KRCC1: variants seen among roughly 807,000 people sequenced by gnomAD.
KRCC1 encodes lysine-rich coiled-coil protein 1.
KRCC1 carries 3 observed loss-of-function variants against 7.4 expected under a neutral mutation model. The observed-to-expected ratio is 0.40, with a 90% CI of 0.18 to 1.04. The LOEUF (loss-of-function observed/expected upper bound fraction) is 1.04. Among genes scored for constraint, KRCC1 ranks in the 50% least tolerant of loss-of-function variants. The probability of loss-of-function intolerance (pLI) is 0.33; values close to 1 mark genes in which losing one functional copy is unlikely to be tolerated. For missense variants in KRCC1, 277 were observed against 300.9 expected, an observed-to-expected ratio of 0.92 and a Z score of 0.59; for synonymous variants, 102 against 101.6, an observed-to-expected ratio of 1.00 and a Z score of -0.02.
chr2:88,047,678 A>T (rs1320107898), intron 1 of KRCC1, among the ~76,000 whole-genome samples: 2 of 151,780 alleles, frequency 1.3e-5, no homozygotes, highest in Non-Finnish European at 1.5e-5. Flanking sequence ...ACAGGCACAC[A>T]CCACCACGCC....
At position 88,053,182 on chromosome 2, in the gene KRCC1, C is replaced by G. The variant is rs79225836; in HGVS notation, c.-291+2444G>C. Among the ~76,000 whole-genome samples, 526 of 152,082 alleles carry G rather than the reference C, an allele frequency of 3.5e-3. 6 individuals are homozygous for G. The highest frequency in any genetic ancestry group is 0.012 in the African/African-American group (483 of 41,470). ...TCCAATTCCCCCACCGACAGATGAC[C>G]AAACTCAAATCCAGAAAGTGTGGGA... On this transcript the variant is annotated intron_variant, in intron 1 of 3. Transcript: ENST00000347055.
intron 1 of KRCC1, among the ~76,000 whole-genome samples, chr2:88,045,819 G>T (rs1376703329): frequency 6.6e-6 from 1 of 151,964 alleles, no homozygotes; most frequent in African/African-American, 2.4e-5. Flanking sequence ...GAGTAGCTGG[G>T]ATTACAGGCA....
intron 1 of KRCC1, among the ~76,000 whole-genome samples, chr2:88,054,146 T>A (rs559251273): frequency 6.6e-6 from 1 of 152,298 alleles, no homozygotes; most frequent in East Asian, 1.9e-4. Context: ...GGATAAGAAA[T>A]AGCATTTTGT....
chr2:88,032,469 T>A (rs912108039), intron 3 of KRCC1, among the ~76,000 whole-genome samples: 1 of 152,166 alleles, frequency 6.6e-6, no homozygotes. Context: ...ATAGGCTATA[T>A]CATATAGCCT....
At position 88,055,367 on chromosome 2, in the gene KRCC1, G is replaced by T. The variant is rs892899259; in HGVS notation, c.-291+259C>A. ...TCCGGGTCTAGATTTCCTCTTGGTC[G>T]CCCCTAGTTTCCCACTCCGACCTCG... On this transcript the variant is annotated intron_variant, in intron 1 of 3. Coordinates refer to ENST00000347055, the MANE Select transcript of KRCC1 (RefSeq NM_016618.3). Among the ~76,000 whole-genome samples the T allele has an allele frequency of 1.4e-4, 21 of 151,926 alleles. No individual in the cohort carries two copies. The East Asian group carries it at 1.9e-3, about 14-fold the overall frequency.
rs1378067623 is a variant in KRCC1, at chr2:88,036,947, T to G, written c.-186A>C. ...TTCCTTCTATTTTCAACCTACCTCA[T>G]AATGCAAAATCCTTTGTTATTTGAA... is the stretch of plus-strand genomic sequence containing the variant. On this transcript the variant is annotated 5_prime_UTR_variant, in exon 2 of 4. An upstream start codon of the reference 5' UTR is lost. Transcript: ENST00000347055. The G allele has an allele frequency of 6.6e-6, 1 of 152,200 alleles. No homozygotes were observed. The highest frequency in any genetic ancestry group is 1.5e-5 in the Non-Finnish European group (1 of 68,028). 9.4% of individuals were successfully genotyped at this position (152,200 alleles called of 1,614,324 possible).
Position 88,027,964 on chromosome 2 carries a change from T to A in KRCC1, c.600A>T (p.Thr200=). 1 of 1,613,746 alleles carries A rather than the reference T, an allele frequency of 6.2e-7. No individual in the cohort carries two copies. Among genetic ancestry groups the A allele is most frequent in the East Asian group, 2.2e-5 (1 of 44,876 alleles). ...CATGTACGGTTTCTATTTCCACCTC[T>A]GTTTTCTTTCTTTGGATGCTCTTGT... ...DKHKSIQRKK[T]EVEIETVHVS... is the part of the protein sequence containing the mutation. Residue 200 remains threonine, a synonymous_variant, in exon 4 of 4, where the codon ACA becomes ACT. Transcript: ENST00000347055.
At chr2:88,037,366 A>C (rs985894597) in intron 1 of KRCC1, among the ~76,000 whole-genome samples, 1 of 152,248 alleles carries the variant, frequency 6.6e-6, no homozygotes, top group Non-Finnish European at 1.5e-5. Context: ...TAAAGCTAAC[A>C]ATCTCAAGAA....
chr2:88,052,318 T>C (rs1188203832), intron 1 of KRCC1, among the ~76,000 whole-genome samples: 1 of 152,284 alleles, frequency 6.6e-6, no homozygotes, highest in Non-Finnish European at 1.5e-5. Context: ...AGTTCTAATT[T>C]GTCTTATGCA....
chr2:88,050,489 G>A (rs1252844972), intron 1 of KRCC1, among the ~76,000 whole-genome samples: 1 of 152,192 alleles, frequency 6.6e-6, no homozygotes, highest in African/African-American at 2.4e-5. Flanking sequence ...TGGGCATGGT[G>A]GTGCATGCCT....
chr2:88,040,265 T>G (rs1202776199), intron 1 of KRCC1, among the ~76,000 whole-genome samples: 1 of 152,236 alleles, frequency 6.6e-6, no homozygotes, highest in African/African-American at 2.4e-5. Flanking sequence ...TAGCAAAATA[T>G]TCTCAAGCTC....
At chr2:88,031,562 C>T (rs1006456684) in intron 3 of KRCC1, among the ~76,000 whole-genome samples, 4 of 151,528 alleles carry the variant, frequency 2.6e-5, no homozygotes, top group East Asian at 1.9e-4. Flanking sequence ...GCAGAGGTTG[C>T]GGTGAGCCGA....
chr2:88,028,396 A>T lies in KRCC1; in HGVS notation c.168T>A (p.Tyr56Ter). 6.2e-7 allele frequency: 1 copy of T among 1,614,126 alleles called. No homozygotes were observed. Among genetic ancestry groups the T allele is most frequent in the Non-Finnish European group, 8.5e-7 (1 of 1,180,024 alleles). ...YKGEVNSRPTYRMFDQRLPSE... is the reference protein window; with the variant it reads ...YKGEVNSRPT ...ATGGGAGTCTCTGGTCAAACATTCT[A>T]TACGTGGGTCTGGAATTAACCTCTC... is the stretch of plus-strand genomic sequence containing the variant. The change falls in exon 4 of 4, where the codon TAT becomes TAA. Residue 56 changes from tyrosine (Y) to a stop codon, truncating the protein, a stop_gained. Transcript: ENST00000347055. LOFTEE classifies it low-confidence loss of function (END_TRUNC).
rs375295449 is a variant in KRCC1, at chr2:88,046,746, C to T, written c.-291+8880G>A. Among the ~76,000 whole-genome samples, 7 of 152,348 alleles carry T rather than the reference C, an allele frequency of 4.6e-5. 1 individual carries two copies. In the South Asian group the frequency reaches 1.0e-3, roughly 23 times the overall value. ...AGTGCAGTGGTGCAATCTCGACTCA[C>T]AGCAGCCTCAACCTCCCAGGCTCAA... On this transcript the variant is annotated intron_variant, in intron 1 of 3. Transcript: ENST00000347055.
chr2:88,028,075 G>A lies in KRCC1; in HGVS notation c.489C>T (p.His163=). The change falls in exon 4 of 4, where the codon CAC becomes CAT. Residue 163 remains histidine, a synonymous_variant. Transcript: ENST00000347055. The part of the protein sequence containing the change: ...HKQIHQKRKR[H]PEEGREKSEE... ...CTGATTTTTCTCTGCCTTCCTCTGGGTGCCTTTTCCTCTTCTGATGTATCT... is the reference window on the plus strand; with the variant it reads ...CTGATTTTTCTCTGCCTTCCTCTGGATGCCTTTTCCTCTTCTGATGTATCT... 1.2e-6 allele frequency: 2 copies of A among 1,613,892 alleles called. No homozygotes were observed. Among genetic ancestry groups the A allele is most frequent in the Non-Finnish European group, 1.7e-6 (2 of 1,180,006 alleles).
At chr2:88,030,779 A>C (rs553601954) in intron 3 of KRCC1, among the ~76,000 whole-genome samples, 2 of 152,344 alleles carry the variant, frequency 1.3e-5, no homozygotes, top group Non-Finnish European at 2.9e-5. Context: ...TGATGCAGTT[A>C]TTCTACTTCT....
At chr2:88,045,722 C>A (rs964414999) in intron 1 of KRCC1, among the ~76,000 whole-genome samples, 1 of 151,742 alleles carries the variant, frequency 6.6e-6, no homozygotes, top group African/African-American at 2.4e-5. Flanking sequence ...CTCACTCTGT[C>A]GCTCAGGCTG....
At position 88,028,357 on chromosome 2, in the gene KRCC1, C is replaced by A. The variant is rs372180142; in HGVS notation, c.207G>T (p.Gln69His). The part of the protein sequence containing the change: ...FDQRLPSETI[Q>H]TYPRSCNIPQ... The stretch of plus-strand genomic sequence containing the variant: ...GAATATTGCATGATCTTGGGTAGGT[C>A]TGGATGGTTTCAGATGGGAGTCTCT... Residue 69 changes from glutamine to histidine, a missense_variant, in exon 4 of 4, where the codon CAG (glutamine) becomes CAT (histidine). Transcript: ENST00000347055. 1.9e-6 allele frequency: 3 copies of A among 1,614,012 alleles called. No individual in the cohort carries two copies. Among genetic ancestry groups the A allele is most frequent in the Non-Finnish European group, 2.5e-6 (3 of 1,180,044 alleles).
At chr2:88,040,304 A>T (rs1313900221) in intron 1 of KRCC1, among the ~76,000 whole-genome samples, 1 of 152,180 alleles carries the variant, frequency 6.6e-6, no homozygotes, top group Non-Finnish European at 1.5e-5. Context: ...CTCCTGAGTC[A>T]TGTCTGTTCT....
Sources: gnomAD v4.1 joint callset for allele counts (sites outside exome capture counted in the v4.1 genomes callset) on GRCh38, gnomAD v4.1.1 for gene constraint, MANE v1.5 for transcripts, NCBI Gene and HGNC (gene_info 2026-07-23, HGNC 2026-07-21) for gene names.